The following RARS2 variants were observed in gnomAD, a reference collection of about 807,000 sequenced individuals.
The protein encoded by RARS2 is arginyl-tRNA synthetase 2, mitochondrial.
Under a neutral mutation model 88.5 loss-of-function variants are expected in RARS2, and 67 were observed. The observed-to-expected ratio is 0.76, with a 90% confidence interval of 0.62 to 0.93. The LOEUF (loss-of-function observed/expected upper bound fraction) is 0.93. Among genes scored for constraint, RARS2 ranks in the 40% least tolerant of loss-of-function variants. The pLI, the probability that RARS2 is intolerant of heterozygous loss-of-function variation, is 0.00. For synonymous variants in RARS2, 239 were observed against 230.3 expected, an observed-to-expected ratio of 1.04 and a Z score of -0.34; for missense variants, 664 against 684.2, an observed-to-expected ratio of 0.97 and a Z score of 0.33.
chr6:87,573,344 A>C (rs1037275330), intron 1 of RARS2, among the ~76,000 whole-genome samples: 3 of 152,228 alleles, frequency 2.0e-5, no homozygotes, highest in African/African-American at 7.2e-5. Context: ...CTAAACCATT[A>C]GAAACCATCC....
At chr6:87,574,318 T>G (rs905045954) in intron 1 of RARS2, among the ~76,000 whole-genome samples, 2 of 151,854 alleles carry the variant, frequency 1.3e-5, no homozygotes, top group East Asian at 3.9e-4. Context: ...CATGTCAGAG[T>G]TGAGGAATAA....
At chr6:87,530,005 C>G (rs563386743) in intron 9 of RARS2, among the ~76,000 whole-genome samples, 32 of 152,248 alleles carry the variant, frequency 2.1e-4, no homozygotes, top group African/African-American at 7.5e-4. Flanking sequence ...AATCACTAGG[C>G]CCAAGTGACA....
chr6:87,546,878 C>A (rs548675653), intron 6 of RARS2, among the ~76,000 whole-genome samples: 1 of 152,172 alleles, frequency 6.6e-6, no homozygotes, highest in Non-Finnish European at 1.5e-5. Flanking sequence ...CAACTGGAAC[C>A]TGTTTTTCCA....
chr6:87,519,801 A>C (rs1428891090), intron 13 of RARS2, 94 bp from the exon 14 acceptor site: 4 of 1,435,510 alleles, frequency 2.8e-6, no homozygotes, highest in Non-Finnish European at 3.9e-6. Flanking sequence ...AACTTTAACC[A>C]TCAGAGCAGA....
In RARS2 at chr6:87,529,616, T is replaced by C. The variant is rs2128057823; in HGVS notation, c.804A>G (p.Gly268=). The C allele has an allele frequency of 6.2e-7, 1 of 1,608,818 alleles. No individual in the cohort carries two copies. Among genetic ancestry groups the C allele is most frequent in the Non-Finnish European group, 8.5e-7 (1 of 1,175,192 alleles). Residue 268 remains glycine, a synonymous_variant, in exon 10 of 20, where the codon GGA becomes GGG. Coordinates refer to ENST00000369536, the MANE Select transcript of RARS2 (RefSeq NM_020320.5). ...RLGVYFDEYS[G]ESFYREKSQE... ...GAGATTTTTCACGATAAAATGATTC[T>C]CCTGAATATTCATCAAAATATACTC...
At chr6:87,524,472 A>G (rs1347787434) in intron 11 of RARS2, 85 bp downstream of exon 11, 5 of 1,053,646 alleles carry the variant, frequency 4.7e-6, no homozygotes, top group Middle Eastern at 4.1e-4. Flanking sequence ...GTGGAATCCG[A>G]TAATGCATAA....
intron 1 of RARS2, among the ~76,000 whole-genome samples, chr6:87,578,238 TTAAAAA>T (rs1344628120): frequency 6.6e-6 from 1 of 152,198 alleles, no homozygotes. Flanking sequence ...ATTGTAAAAC[TTAAAAA>T]TAACACTCTG....
rs1776438155 is a variant in RARS2 at position 87,589,782 on chromosome 6, G to A, written c.36+140C>T. On this transcript the variant is annotated intron_variant, in intron 1 of 19. Transcript: ENST00000369536. ...CTTCTGAAGCTCCACCAGCTCCAGA[G>A]AAGGGGGAGGAGGTGGTAGAAACTA... The A allele has an allele frequency of 5.0e-6, 8 of 1,589,488 alleles. No individual in the cohort carries two copies. The South Asian group carries it at 6.7e-5, about 13-fold the overall frequency.
At chr6:87,557,623 C>T (rs1229131150) in intron 4 of RARS2, among the ~76,000 whole-genome samples, 1 of 152,242 alleles carries the variant, frequency 6.6e-6, no homozygotes, top group Non-Finnish European at 1.5e-5. Flanking sequence ...TTTCGATCAT[C>T]TGTCCTTATC....
intron 1 of RARS2, among the ~76,000 whole-genome samples, chr6:87,584,451 C>T (rs769652223): frequency 3.9e-5 from 6 of 152,068 alleles, no homozygotes; most frequent in Non-Finnish European, 7.4e-5. Flanking sequence ...AATACGGCAC[C>T]GTACAAGTGA....
At chr6:87,555,669 T>G (rs1785642013) in intron 4 of RARS2, among the ~76,000 whole-genome samples, 164 bp from the exon 5 acceptor site, 1 of 152,258 alleles carries the variant, frequency 6.6e-6, no homozygotes, top group Admixed American at 6.5e-5. Flanking sequence ...TTCTTGTTAC[T>G]AATGCTAGTC....
chr6:87,519,557 C>T (rs1488099457), intron 14 of RARS2, 26 bp downstream of exon 14: 2 of 1,601,834 alleles, frequency 1.2e-6, no homozygotes, highest in Non-Finnish European at 1.7e-6. Flanking sequence ...TAAGTTATGA[C>T]TTTAATAAGA....
At position 87,530,936 on chromosome 6, in the gene RARS2, C is replaced by T. The variant is rs1777323546; in HGVS notation, c.619G>A (p.Val207Ile). 1 of 1,613,898 alleles carries T rather than the reference C, an allele frequency of 6.2e-7. No individual in the cohort carries two copies. Among genetic ancestry groups the T allele is most frequent in the African/African-American group, 1.3e-5 (1 of 74,900 alleles). The change falls in exon 9 of 20, where the codon GTA (valine) becomes ATA (isoleucine). Residue 207 changes from valine to isoleucine, a missense_variant. Val to Ile is a conservative substitution (Grantham distance 29). Transcript: ENST00000369536. Reference sequence around the variant, plus strand: ...TCTGCTGCTTCTTTATTAACTTGTACATAAACCTAAAAGTACAATAGTACA... The same window carrying T: ...TCTGCTGCTTCTTTATTAACTTGTATATAAACCTAAAAGTACAATAGTACA... ...NPLQHLFEVYVQVNKEAADDK... is the reference protein window; with the variant it reads ...NPLQHLFEVYIQVNKEAADDK...
At chr6:87,588,881 T>G (rs1776050406) in intron 1 of RARS2, among the ~76,000 whole-genome samples, 1 of 152,284 alleles carries the variant, frequency 6.6e-6, no homozygotes, top group Admixed American at 6.5e-5. Flanking sequence ...CTTTCCCAGT[T>G]TAATACACTA....
intron 4 of RARS2, among the ~76,000 whole-genome samples, chr6:87,560,738 T>C (rs1787589769): frequency 1.3e-5 from 2 of 152,102 alleles, no homozygotes; most frequent in East Asian, 1.9e-4. Flanking sequence ...AAATACAAAA[T>C]TAGCTGGGCG....
chr6:87,569,533 G>A lies in RARS2; in HGVS notation c.94C>T (p.Pro32Ser), dbSNP rs201671401. 7 of 1,600,822 alleles carry A rather than the reference G, an allele frequency of 4.4e-6. No homozygotes were observed. In the East Asian group the frequency reaches 1.6e-4, roughly 36 times the overall value. The part of the protein sequence containing the change: ...ENLITSISAV[P>S]ISQKEEVADF... ...ATACTTAACTCTTTTTGGGAAATTGGAACTGCAGATATTGATGTGATCAAG... is the reference window on the plus strand; with the variant it reads ...ATACTTAACTCTTTTTGGGAAATTGAAACTGCAGATATTGATGTGATCAAG... Residue 32 changes from proline (P) to serine (S), a missense_variant, in exon 2 of 20, where the codon CCA (proline) becomes TCA (serine). Pro to Ser is a moderately conservative substitution (Grantham distance 74). Transcript: ENST00000369536.
rs752073696 is a variant in RARS2, at chr6:87,576,711, ATTCTT to A, written c.37-7126_37-7122del. Among the ~76,000 whole-genome samples, 186 of 152,338 alleles carry A rather than the reference ATTCTT, an allele frequency of 1.2e-3. No homozygotes were observed. The Middle Eastern group carries it at 0.014, about 11-fold the overall frequency. ...TGTGGGGCATATAAGTATTAACTAT[ATTCTT>A]TTCTATGATTAACATATTTCAATTA... On this transcript the variant is annotated intron_variant, in intron 1 of 19. Transcript: ENST00000369536.
In RARS2 at chr6:87,529,654, A is replaced by C; in HGVS notation, c.772-6T>G. ...TCAAAATATACTCCCAGACGCTAAA[A>C]GAGTTCAGAAACAAAAAGACAAAGA... On this transcript the variant is annotated splice_region_variant and splice_polypyrimidine_tract_variant and intron_variant, in intron 9 of 19. Coordinates refer to ENST00000369536, the MANE Select transcript of RARS2 (RefSeq NM_020320.5). 2 of 1,572,198 alleles carry C rather than the reference A, an allele frequency of 1.3e-6. No homozygotes were observed. The highest frequency in any genetic ancestry group is 1.8e-6 in the Non-Finnish European group (2 of 1,141,982).
intron 2 of RARS2, chr6:87,564,601 G>A: frequency 5.3e-6 from 2 of 374,294 alleles, no homozygotes; most frequent in Non-Finnish European, 1.0e-5. Flanking sequence ...TCCTGGAGGT[G>A]GAGACTGCAG....
Sources: allele counts gnomAD v4.1 joint callset (sites outside exome capture counted in the v4.1 genomes callset), GRCh38; gene constraint gnomAD v4.1.1; transcripts MANE v1.5; gene names NCBI Gene and HGNC (gene_info 2026-07-23, HGNC 2026-07-21).